Variants in CA10 observed in about 807,000 individuals in gnomAD.
CA10 encodes the protein carbonic anhydrase 10 (inactive), also known as carbonic anhydrase-related protein 10.
CA10 carries 14 observed loss-of-function variants against 44.2 expected under a neutral mutation model. That is an observed-to-expected ratio of 0.32 (90% confidence interval 0.21 to 0.50). The LOEUF (loss-of-function observed/expected upper bound fraction) is 0.50. Among genes scored for constraint, CA10 ranks in the 20% least tolerant of loss-of-function variants. The pLI is 0.99. For missense variants in CA10, 350 were observed against 409.7 expected, an observed-to-expected ratio of 0.85 and a Z score of 1.26; for synonymous variants, 159 against 141.6, an observed-to-expected ratio of 1.12 and a Z score of -0.87.
intron 3 of CA10, among the ~76,000 whole-genome samples, chr17:51,831,572 G>A (rs1182491735): frequency 6.6e-6 from 1 of 152,076 alleles, no homozygotes; most frequent in Non-Finnish European, 1.5e-5. Flanking sequence ...ATGGCTCCAA[G>A]TAGCACATCT....
chr17:52,068,664 G>A lies in CA10; in HGVS notation c.136+3655C>T, dbSNP rs76471168. Among the ~76,000 whole-genome samples the A allele has an allele frequency of 1.2e-3, 186 of 152,264 alleles. 3 individuals carry two copies. The highest frequency in any genetic ancestry group is 3.8e-3 in the African/African-American group (156 of 41,554). ...GCTCAAGCAGTAAGAAGTTTGTTAC[G>A]TCACTTAACACAATAAGTGGTGAGG... On this transcript the variant is annotated intron_variant, in intron 2 of 8. Transcript: ENST00000451037.
intron 3 of CA10, among the ~76,000 whole-genome samples, chr17:51,754,451 C>T (rs1443145457): frequency 1.1e-4 from 11 of 97,078 alleles, no homozygotes; most frequent in East Asian, 3.2e-4. Context: ...ATATATATCA[C>T]GTAAAATAAA....
At chr17:52,100,957 A>T (rs1053703835) in intron 1 of CA10, among the ~76,000 whole-genome samples, 6 of 152,174 alleles carry the variant, frequency 3.9e-5, no homozygotes, top group African/African-American at 1.4e-4. Context: ...CGCTACTCTG[A>T]CTTACAGTCC....
intron 4 of CA10, among the ~76,000 whole-genome samples, chr17:51,655,275 T>C (rs1913747875): frequency 1.3e-5 from 2 of 152,220 alleles, no homozygotes. Flanking sequence ...TTGTCTCTTA[T>C]AAACAATGTC....
chr17:52,150,726 G>C (rs1253957866), intron 1 of CA10, among the ~76,000 whole-genome samples: 2 of 152,164 alleles, frequency 1.3e-5, no homozygotes, highest in Non-Finnish European at 2.9e-5. Flanking sequence ...ATGTCAAATA[G>C]TGTATCTATT....
At chr17:51,974,283 C>T (rs1362576639) in intron 2 of CA10, among the ~76,000 whole-genome samples, 1 of 151,040 alleles carries the variant, frequency 6.6e-6, no homozygotes, top group African/African-American at 2.4e-5. Context: ...ACTTGGGAGG[C>T]TGAGGGAGGA....
chr17:52,014,384 A>G (rs1423636590), intron 2 of CA10, among the ~76,000 whole-genome samples: 1 of 152,036 alleles, frequency 6.6e-6, no homozygotes, highest in East Asian at 1.9e-4. Flanking sequence ...TATGGACTTA[A>G]GAATAGGCTA....
At chr17:51,949,359 C>G (rs763719462) in intron 2 of CA10, among the ~76,000 whole-genome samples, 1 of 152,142 alleles carries the variant, frequency 6.6e-6, no homozygotes, top group Non-Finnish European at 1.5e-5. Flanking sequence ...TTAGTAAAAA[C>G]TTTAATTGTG....
intron 6 of CA10, among the ~76,000 whole-genome samples, chr17:51,637,330 A>G (rs1912876237): frequency 6.6e-6 from 1 of 152,130 alleles, no homozygotes; most frequent in South Asian, 2.1e-4. Flanking sequence ...ATCTGAGAGT[A>G]GCTCATCTAC....
intron 2 of CA10, among the ~76,000 whole-genome samples, chr17:52,025,745 A>G (rs1451683087): frequency 2.6e-5 from 4 of 152,102 alleles, no homozygotes; most frequent in Non-Finnish European, 5.9e-5. Flanking sequence ...AAACATGCAT[A>G]AAATACCAGC....
At chr17:51,882,648 A>C (rs1407967699) in intron 3 of CA10, among the ~76,000 whole-genome samples, 1 of 152,036 alleles carries the variant, frequency 6.6e-6, no homozygotes, top group Admixed American at 6.6e-5. Flanking sequence ...GATGCTCCCT[A>C]TGGCTTTTGG....
chr17:51,915,378 A>C (rs947054499), intron 3 of CA10, among the ~76,000 whole-genome samples: 1 of 152,172 alleles, frequency 6.6e-6, no homozygotes, highest in South Asian at 2.1e-4. Context: ...AAACTCTTAC[A>C]TTCTTCCCTT....
intron 3 of CA10, among the ~76,000 whole-genome samples, chr17:51,833,295 T>C (rs576334785): frequency 2.4e-3 from 358 of 152,266 alleles, no homozygotes; most frequent in African/African-American, 6.7e-3. Flanking sequence ...GATAAACCAA[T>C]GCATCCTGTC....
chr17:52,005,965 G>T (rs552688538), intron 2 of CA10, among the ~76,000 whole-genome samples: 1 of 151,970 alleles, frequency 6.6e-6, no homozygotes, highest in East Asian at 2.0e-4. Flanking sequence ...CTGCCTTTAT[G>T]TATAAAAATT....
At chr17:51,907,420 CTGTTT>C (rs994798102) in intron 3 of CA10, among the ~76,000 whole-genome samples, 4 of 152,022 alleles carry the variant, frequency 2.6e-5, no homozygotes, top group Non-Finnish European at 4.4e-5. Context: ...TTTTTTCATT[CTGTTT>C]TATTTATTAA....
chr17:51,997,990 C>A (rs1985295380), intron 2 of CA10, among the ~76,000 whole-genome samples: 1 of 152,014 alleles, frequency 6.6e-6, no homozygotes, highest in Admixed American at 6.6e-5. Flanking sequence ...AACCAAGAGA[C>A]AGAAACATAT....
intron 4 of CA10, among the ~76,000 whole-genome samples, chr17:51,740,196 C>T (rs1157158253): frequency 1.3e-5 from 2 of 152,118 alleles, no homozygotes; most frequent in East Asian, 3.8e-4. Flanking sequence ...AATACGTACC[C>T]TGTGCCCATT....
intron 2 of CA10, among the ~76,000 whole-genome samples, chr17:51,944,655 A>C (rs1206192566): frequency 6.6e-6 from 1 of 152,130 alleles, no homozygotes; most frequent in Non-Finnish European, 1.5e-5. Flanking sequence ...TATAGTCTCA[A>C]ATATATAAAA....
At chr17:51,737,254 A>G (rs1916942613) in intron 4 of CA10, among the ~76,000 whole-genome samples, 2 of 152,182 alleles carry the variant, frequency 1.3e-5, no homozygotes, top group African/African-American at 2.4e-5. Flanking sequence ...AATAAGTGCT[A>G]GCTCAAAAGC....
Sources: allele counts gnomAD v4.1 joint callset (sites outside exome capture counted in the v4.1 genomes callset), GRCh38; gene constraint gnomAD v4.1.1; transcripts MANE v1.5; gene names NCBI Gene and HGNC (gene_info 2026-07-23, HGNC 2026-07-21).